DNHD1: variants seen among roughly 807,000 people sequenced by gnomAD.
DNHD1 encodes dynein heavy chain domain-containing protein 1.
In DNHD1, 383 loss-of-function variants were observed where a neutral mutation model predicts 458.1. The observed-to-expected ratio is 0.84, with a 90% CI of 0.77 to 0.91. The LOEUF is 0.91. Ranked by LOEUF, DNHD1 falls within the 40% of genes least tolerant of loss-of-function variation. DNHD1 has a pLI of 0.00. For missense variants in DNHD1, 5,336 were observed against 5,866.1 expected (o/e 0.91, Z 2.95); for synonymous variants, 2,203 against 2,376.9 (o/e 0.93, Z 2.13).
chr11:6,566,411 A>G lies in DNHD1; in HGVS notation c.11206+18A>G, dbSNP rs780695785. On this transcript the variant is annotated intron_variant, in intron 34 of 42. Coordinates refer to ENST00000254579, the MANE Select transcript of DNHD1 (RefSeq NM_144666.3). ...GGAAAAAGGTGAGGCCCAGAGGGCA[A>G]ATTGCCAGCACAGTTGTGTGGACAC... 3 of 1,557,392 alleles carry G rather than the reference A, an allele frequency of 1.9e-6. No individual in the cohort carries two copies. Among genetic ancestry groups the G allele is most frequent in the Middle Eastern group, 1.7e-4 (1 of 6,006 alleles).
chr11:6,539,020 C>T (rs575563783), intron 16 of DNHD1, among the ~76,000 whole-genome samples, 199 bp from the exon 17 acceptor site: 1 of 152,198 alleles, frequency 6.6e-6, no homozygotes, highest in South Asian at 2.1e-4. Context: ...GGTGGCTGGG[C>T]TTGGGCTGGG....
intron 24 of DNHD1, among the ~76,000 whole-genome samples, chr11:6,551,157 G>A (rs538695985): frequency 6.6e-6 from 1 of 152,142 alleles, no homozygotes; most frequent in South Asian, 2.1e-4. Flanking sequence ...TATTTTATCT[G>A]ACCATAACAA....
chr11:6,543,403 C>G (rs997279372), intron 18 of DNHD1, among the ~76,000 whole-genome samples: 1 of 152,180 alleles, frequency 6.6e-6, no homozygotes, highest in Non-Finnish European at 1.5e-5. Flanking sequence ...TACCAAGACC[C>G]GTTTTAAGAC....
rs1295631560 is a variant in DNHD1, at chr11:6,564,023, G to A, written c.10183G>A (p.Val3395Met). Residue 3395 changes from valine to methionine, a missense_variant, in exon 31 of 43, where the codon GTG (valine) becomes ATG (methionine). Val to Met is a conservative substitution (Grantham distance 21, BLOSUM62 1). This residue lies in a region of DNHD1 where 3,932 missense variants were observed against 4,365.6 expected (regional missense o/e 0.90). Coordinates refer to ENST00000254579, the MANE Select transcript of DNHD1 (RefSeq NM_144666.3). ...VEDAQASHNC[V>M]AKTLSQAQCG... ...GGATGCCCAAGCTTCCCACAACTGC[G>A]TGGCAAAGACCCTCAGTCAAGCACA... is the stretch of plus-strand genomic sequence containing the variant. The A allele has an allele frequency of 1.2e-5, 19 of 1,551,710 alleles. No homozygotes were observed. Among genetic ancestry groups the A allele is most frequent in the East Asian group, 2.4e-5 (1 of 40,920 alleles).
chr11:6,523,764 G>A (rs568480793), intron 10 of DNHD1, among the ~76,000 whole-genome samples: 26 of 152,222 alleles, frequency 1.7e-4, no homozygotes, highest in East Asian at 9.7e-4. Context: ...AAGTGGGAGA[G>A]TTACTTGAGG....
Position 6,548,072 on chromosome 11 carries a change from G to A in DNHD1, c.6905+32G>A. On this transcript the variant is annotated intron_variant, in intron 22 of 42. Coordinates refer to ENST00000254579, the MANE Select transcript of DNHD1 (RefSeq NM_144666.3). This position sits in a 1 kb window ranked among gnomAD's most constrained non-coding sequence, Gnocchi z 4.4. ...ACCAGGATGGGGGATGGGAGATGCA[G>A]AGGGCTGAGATGGACTGGCCCATGG... 7.1e-6 allele frequency: 11 copies of A among 1,551,564 alleles called. No homozygotes were observed. The highest frequency in any genetic ancestry group is 9.6e-6 in the Non-Finnish European group (11 of 1,146,878).
At chr11:6,558,795 G>C in intron 26 of DNHD1, 102 bp downstream of exon 26, 1 of 1,500,504 alleles carries the variant, frequency 6.7e-7, no homozygotes, top group Non-Finnish European at 9.0e-7. Flanking sequence ...AGCCTACAGA[G>C]CCCCCTTCAC....
At chr11:6,554,798 T>C (rs1163390023) in intron 24 of DNHD1, among the ~76,000 whole-genome samples, 1 of 152,234 alleles carries the variant, frequency 6.6e-6, no homozygotes. Context: ...CTCACTTTGA[T>C]GGTGAGAATG....
At chr11:6,533,599 A>G in intron 13 of DNHD1, 82 bp from the exon 14 acceptor site, 1 of 1,468,276 alleles carries the variant, frequency 6.8e-7, no homozygotes, top group Non-Finnish European at 9.0e-7. Context: ...TCACTCCAAA[A>G]GGTGGGAGTT....
Position 6,571,139 on chromosome 11 carries a change from G to A in DNHD1, c.13627G>A (p.Ala4543Thr). The A allele has an allele frequency of 2.5e-6, 4 of 1,600,976 alleles. No individual in the cohort carries two copies. Among genetic ancestry groups the A allele is most frequent in the South Asian group, 2.2e-5 (2 of 90,636 alleles). ...LPLPWRPHAP[A>T]GPQPPWHWLR... The stretch of plus-strand genomic sequence containing the variant: ...CTTGCCTTGGCGACCTCATGCGCCG[G>A]CCGGTCCGCAGCCGCCCTGGCACTG... Residue 4543 changes from alanine to threonine, a missense_variant, in exon 42 of 43, where the codon GCC (alanine) becomes ACC (threonine). This residue lies in a region of DNHD1 where 698 missense variants were observed against 664.9 expected (regional missense o/e 1.05). Coordinates refer to ENST00000254579, the MANE Select transcript of DNHD1 (RefSeq NM_144666.3). The surrounding 1 kb of genome is among the most constrained non-coding windows in gnomAD (Gnocchi z 5.0).
chr11:6,506,261 A>T (rs1159029797), intron 4 of DNHD1, among the ~76,000 whole-genome samples: 1 of 152,232 alleles, frequency 6.6e-6, no homozygotes, highest in South Asian at 2.1e-4. Context: ...CTAAATGAGC[A>T]AAAGTTGCAG....
chr11:6,571,591 C>T lies in DNHD1; in HGVS notation c.13912-45C>T, dbSNP rs931751021. On this transcript the variant is annotated intron_variant, in intron 42 of 42. Coordinates refer to ENST00000254579, the MANE Select transcript of DNHD1 (RefSeq NM_144666.3). This position sits in a 1 kb window ranked among gnomAD's most constrained non-coding sequence, Gnocchi z 5.0. ...CTAACCCCCACTTCCCACCTGCCAC[C>T]TCCCAGCTTCCTAGCCTTGCCTGAC... The T allele has an allele frequency of 7.4e-6, 11 of 1,490,806 alleles. No individual in the cohort carries two copies. In the Admixed American group the frequency reaches 1.6e-4, roughly 21 times the overall value. The allele number at this position is 1,490,806 out of a possible 1,614,324, so 92.3% of individuals were successfully genotyped here. A position where few individuals can be genotyped will look rare whatever the true frequency, so the allele number is the denominator to read the frequency against.
chr11:6,537,888 G>A (rs530955087), intron 14 of DNHD1, among the ~76,000 whole-genome samples: 10 of 152,134 alleles, frequency 6.6e-5, no homozygotes, highest in East Asian at 1.9e-4. Flanking sequence ...CCGAGATCAC[G>A]CCACTGCACA....
chr11:6,518,781 G>T (rs937005745), intron 7 of DNHD1, among the ~76,000 whole-genome samples: 1 of 152,068 alleles, frequency 6.6e-6, no homozygotes, highest in Non-Finnish European at 1.5e-5. Flanking sequence ...TTATGCATAG[G>T]GCATGTTTGT....
chr11:6,544,912 C>T lies in DNHD1; in HGVS notation c.3973C>T (p.Gln1325Ter). The part of the protein sequence containing the change: ...SAERSPYFQG[Q>*]QLQQLLQAGS... ...CGAGAGGAGCCCTTACTTCCAAGGC[C>T]AGCAGCTGCAACAACTGCTGCAAGC... The change falls in exon 21 of 43, where the codon CAG becomes TAG. Residue 1325 changes from glutamine (Q) to a stop codon, truncating the protein, a stop_gained. Transcript: ENST00000254579. LOFTEE classifies it high-confidence loss of function. The T allele has an allele frequency of 6.4e-7, 1 of 1,551,732 alleles. No homozygotes were observed. Among genetic ancestry groups the T allele is most frequent in the Non-Finnish European group, 8.7e-7 (1 of 1,146,998 alleles).
chr11:6,511,333 G>A lies in DNHD1; in HGVS notation c.1296G>A (p.Glu432=). The change falls in exon 7 of 43, where the codon GAG becomes GAA. Residue 432 remains glutamate (E), a synonymous_variant. Transcript: ENST00000254579. The stretch of plus-strand genomic sequence containing the variant: ...CCCAGGAACTGGATCGGTGCTATGA[G>A]CTGCTGGACCTGCAGACGGCTCTAG... ...WLPQELDRCY[E]LLDLQTALAE... The A allele has an allele frequency of 6.2e-7, 1 of 1,614,254 alleles. No individual in the cohort carries two copies. Among genetic ancestry groups the A allele is most frequent in the Non-Finnish European group, 8.5e-7 (1 of 1,180,046 alleles).
rs1565003511 is a variant in DNHD1 at position 6,528,563 on chromosome 11, C to T, written c.1879C>T (p.Pro627Ser). 2 of 1,551,026 alleles carry T rather than the reference C, an allele frequency of 1.3e-6. No homozygotes were observed. The highest frequency in any genetic ancestry group is 1.7e-6 in the Non-Finnish European group (2 of 1,146,406). ...GGACTCAAAAGACGAATTTCTGATG[C>T]CCAAGTTCCAGGGCCAGCCCAGCGA... is the stretch of plus-strand genomic sequence containing the variant. Reference protein sequence around the residue: ...EEDSKDEFLMPKFQGQPSDAV... With the variant: ...EEDSKDEFLMSKFQGQPSDAV... The change falls in exon 11 of 43, where the codon CCC (proline) becomes TCC (serine). Residue 627 changes from proline (P) to serine (S), a missense_variant. Transcript: ENST00000254579.
At position 6,557,572 on chromosome 11, in the gene DNHD1, G is replaced by C. The variant is rs1853494618; in HGVS notation, c.8277G>C (p.Gly2759=). 1 of 1,551,786 alleles carries C rather than the reference G, an allele frequency of 6.4e-7. No homozygotes were observed. The highest frequency in any genetic ancestry group is 8.7e-7 in the Non-Finnish European group (1 of 1,147,002). Residue 2759 remains glycine, a synonymous_variant, in exon 25 of 43, where the codon GGG becomes GGC. Coordinates refer to ENST00000254579, the MANE Select transcript of DNHD1 (RefSeq NM_144666.3). The stretch of plus-strand genomic sequence containing the variant: ...CATCCATAGGACCAGTAAGCAGGGG[G>C]ATGAAGGAAAGCATAAGTCACAAGA... ...LTPSIGPVSR[G]MKESISHKIR...
At position 6,563,444 on chromosome 11, in the gene DNHD1, G is replaced by T. The variant is rs1211379314; in HGVS notation, c.9732G>T (p.Arg3244=). Residue 3244 remains arginine, a synonymous_variant, in exon 30 of 43, where the codon CGG becomes CGT. Transcript: ENST00000254579. ...QLQVADFEEI[R]SYRAPPESVV... is the part of the protein sequence containing the mutation. ...AGGTGGCTGACTTTGAGGAGATACG[G>T]AGCTATCGAGCACCACCAGAATCTG... The T allele has an allele frequency of 6.4e-7, 1 of 1,551,720 alleles. No individual in the cohort carries two copies. The highest frequency in any genetic ancestry group is 1.2e-5 in the South Asian group (1 of 84,060).
Sources: gnomAD v4.1 joint callset for allele counts (sites outside exome capture counted in the v4.1 genomes callset) on GRCh38, gnomAD v4.1.1 for gene constraint, gnomAD v4.1.1 regional missense constraint, Gnocchi (gnomAD v3.1) non-coding constraint, MANE v1.5 for transcripts, NCBI Gene and HGNC (gene_info 2026-07-23, HGNC 2026-07-21) for gene names.